Variants in NUP133 observed in about 807,000 individuals in gnomAD.
NUP133 encodes the protein nuclear pore complex protein Nup133.
In NUP133, 66 loss-of-function variants were observed where a neutral mutation model predicts 146.2. The observed-to-expected ratio is 0.45, with a 90% confidence interval of 0.37 to 0.55. The LOEUF (loss-of-function observed/expected upper bound fraction) is 0.55, where lower values mean the gene tolerates loss of function less well. Among genes scored for constraint, NUP133 ranks in the 20% least tolerant of loss-of-function variants. NUP133 has a pLI of 0.00. For missense variants in NUP133, 1,277 were observed against 1,374.8 expected (o/e 0.93, Z 1.12); for synonymous variants, 521 against 498.8 (o/e 1.04, Z -0.59).
Position 229,445,279 on chromosome 1 carries a change from C to T in NUP133, c.3246-277G>A, listed in dbSNP as rs1157855789. On this transcript the variant is annotated intron_variant, in intron 24 of 25. Transcript: ENST00000261396. ...ATGTTATACTCAAGGTAGCTACTGA[C>T]TCAATATAACTCTTACCTATTTGAT... Among the ~76,000 whole-genome samples, 5 of 152,162 alleles carry T rather than the reference C, an allele frequency of 3.3e-5. No individual in the cohort carries two copies. The East Asian group carries it at 9.6e-4, about 29-fold the overall frequency.
rs145791827 is a variant in NUP133 at position 229,459,147 on chromosome 1, T to C, written c.2845-851A>G. ...AATACCTATCACTGTGGTGAGAACA[T>C]TTCAAATTTGTTCTCTTGGAAATTC... On this transcript the variant is annotated intron_variant, in intron 20 of 25. Coordinates refer to ENST00000261396, the MANE Select transcript of NUP133 (RefSeq NM_018230.3). Among the ~76,000 whole-genome samples, 655 of 152,300 alleles carry C rather than the reference T, an allele frequency of 4.3e-3. 1 individual carries two copies. The highest frequency in any genetic ancestry group is 6.7e-3 in the Non-Finnish European group (458 of 68,028).
chr1:229,458,132 T>G lies in NUP133; in HGVS notation c.2980+29A>C, dbSNP rs575857635. 29 of 1,600,964 alleles carry G rather than the reference T, an allele frequency of 1.8e-5. No individual in the cohort carries two copies. The South Asian group carries it at 3.0e-4, about 17-fold the overall frequency. ...GAGTTAATTGATGGCATGACCAATTTGTAAATCCTTTTGCTCAAATTCTTT... is the reference window on the plus strand; with the variant it reads ...GAGTTAATTGATGGCATGACCAATTGGTAAATCCTTTTGCTCAAATTCTTT... On this transcript the variant is annotated intron_variant, in intron 21 of 25. Coordinates refer to ENST00000261396, the MANE Select transcript of NUP133 (RefSeq NM_018230.3).
At chr1:229,453,644 T>G (rs950041282) in intron 21 of NUP133, among the ~76,000 whole-genome samples, 1 of 152,242 alleles carries the variant, frequency 6.6e-6, no homozygotes, top group Non-Finnish European at 1.5e-5. Context: ...TGAATACTGT[T>G]AACACTTCAG....
At position 229,486,454 on chromosome 1, in the gene NUP133, T is replaced by C. The variant is rs779575128; in HGVS notation, c.1417A>G (p.Ile473Val). 9 of 1,611,130 alleles carry C rather than the reference T, an allele frequency of 5.6e-6. 1 individual carries two copies. The highest frequency in any genetic ancestry group is 5.1e-5 in the Admixed American group (3 of 59,378). Residue 473 changes from isoleucine to valine, a missense_variant, in exon 11 of 26, where the codon ATT becomes GTT. Coordinates refer to ENST00000261396, the MANE Select transcript of NUP133 (RefSeq NM_018230.3). Reference protein sequence around the residue: ...IFSRNSGLVSITSRENVSILA... With the variant: ...IFSRNSGLVSVTSRENVSILA... Reference sequence around the variant, plus strand: ...ATAGACACATTTTCCCTTGAAGTAATAGACACCAGTCCACTGTTTCTAGAA... The same window carrying C: ...ATAGACACATTTTCCCTTGAAGTAACAGACACCAGTCCACTGTTTCTAGAA...
At chr1:229,487,356 A>G (rs1661379436) in intron 10 of NUP133, 110 bp downstream of exon 10, 2 of 1,097,342 alleles carry the variant, frequency 1.8e-6, no homozygotes, top group Admixed American at 2.5e-5. Flanking sequence ...GAAATGTCTC[A>G]GAAACATTTG....
intron 15 of NUP133, among the ~76,000 whole-genome samples, chr1:229,467,800 C>G (rs1459102245): frequency 1.3e-5 from 2 of 151,750 alleles, no homozygotes; most frequent in African/African-American, 4.8e-5. Context: ...TGGCGTGCAC[C>G]TGGAGTCCCG....
At chr1:229,502,460 G>C (rs1253447478) in intron 2 of NUP133, among the ~76,000 whole-genome samples, 4 of 149,750 alleles carry the variant, frequency 2.7e-5, no homozygotes, top group Non-Finnish European at 5.9e-5. Context: ...TTGGGAGGCT[G>C]AGGCAAGAGA....
At chr1:229,492,749 T>G (rs1271454817) in intron 8 of NUP133, among the ~76,000 whole-genome samples, 1 of 152,048 alleles carries the variant, frequency 6.6e-6, no homozygotes, top group Non-Finnish European at 1.5e-5. Flanking sequence ...TAATGGATTT[T>G]GGGGACCTGA....
At chr1:229,465,336 A>G (rs1660787937) in intron 17 of NUP133, 84 bp downstream of exon 17, 1 of 1,069,658 alleles carries the variant, frequency 9.3e-7, no homozygotes, top group Non-Finnish European at 1.4e-6. Context: ...TTACAAACCT[A>G]CGCTAGGGGA....
chr1:229,452,739 G>T, intron 21 of NUP133, 96 bp from the exon 22 acceptor site: 3 of 799,278 alleles, frequency 3.8e-6, no homozygotes, highest in Non-Finnish European at 6.0e-6. Flanking sequence ...AATTTTAAAA[G>T]AAAAAAATAG....
chr1:229,456,413 C>A (rs1183928081), intron 21 of NUP133, among the ~76,000 whole-genome samples: 1 of 152,178 alleles, frequency 6.6e-6, no homozygotes, highest in Non-Finnish European at 1.5e-5. Context: ...TTGAAAATCA[C>A]TGTAGACTCA....
In NUP133 at chr1:229,508,075, T is replaced by G; in HGVS notation, c.175A>C (p.Ser59Arg). The G allele has an allele frequency of 6.7e-7, 1 of 1,496,136 alleles. No homozygotes were observed. The highest frequency in any genetic ancestry group is 8.9e-7 in the Non-Finnish European group (1 of 1,120,868). 92.7% of individuals were successfully genotyped at this position (1,496,136 alleles called of 1,614,324 possible). The stretch of plus-strand genomic sequence containing the variant: ...ACCAGGGAGATCACTTACCGCGAGC[T>G]TAGCGAGCTACGCCGGCCGACCGGC... Reference protein sequence around the residue: ...FSPVGRRSSLSSRGTPTRMFP... With the variant: ...FSPVGRRSSLRSRGTPTRMFP... The change falls in exon 1 of 26, where the codon AGC (serine) becomes CGC (arginine). Residue 59 changes from serine to arginine, a missense_variant. Physicochemically the swap from Ser to Arg is moderately radical, Grantham distance 110. Transcript: ENST00000261396.
intron 23 of NUP133, among the ~76,000 whole-genome samples, chr1:229,449,767 AG>A (rs1660399599): frequency 6.6e-6 from 1 of 150,644 alleles, no homozygotes; most frequent in Non-Finnish European, 1.5e-5. Flanking sequence ...GACAGGTAAT[AG>A]AACTACTTAT....
At chr1:229,454,252 G>A (rs1660515648) in intron 21 of NUP133, among the ~76,000 whole-genome samples, 3 of 152,132 alleles carry the variant, frequency 2.0e-5, no homozygotes, top group South Asian at 2.1e-4. Flanking sequence ...ACCTGACTCC[G>A]CCCCAGGGAA....
At chr1:229,456,278 A>G (rs1423847822) in intron 21 of NUP133, among the ~76,000 whole-genome samples, 1 of 152,146 alleles carries the variant, frequency 6.6e-6, no homozygotes, top group African/African-American at 2.4e-5. Flanking sequence ...CCTAAACTCA[A>G]TGGTCTCAGC....
At chr1:229,497,990 A>G in intron 6 of NUP133, 146 bp downstream of exon 6, 1 of 496,226 alleles carries the variant, frequency 2.0e-6, no homozygotes, top group Non-Finnish European at 3.4e-6. Context: ...ATTTCATCAT[A>G]ATAAAAATAG....
intron 17 of NUP133, among the ~76,000 whole-genome samples, chr1:229,465,092 A>G (rs1660781735): frequency 6.6e-6 from 1 of 152,198 alleles, no homozygotes; most frequent in Non-Finnish European, 1.5e-5. Context: ...TTCCTTCTAA[A>G]TTCCTTTAAT....
chr1:229,484,385 T>A (rs957981790), intron 11 of NUP133, among the ~76,000 whole-genome samples: 5 of 151,920 alleles, frequency 3.3e-5, no homozygotes, highest in African/African-American at 7.2e-5. Flanking sequence ...AAAAAAAAAA[T>A]TTATGTTTCA....
chr1:229,498,223 G>C lies in NUP133; in HGVS notation c.732C>G (p.Ile244Met), dbSNP rs145946684. Residue 244 changes from isoleucine (I) to methionine (M), a missense_variant, in exon 6 of 26, where the codon ATC becomes ATG. Physicochemically the swap from Ile to Met is conservative, Grantham distance 10. This residue lies in a region of NUP133 where 319 missense variants were observed against 306.9 expected (regional missense o/e 1.04). Coordinates refer to ENST00000261396, the MANE Select transcript of NUP133 (RefSeq NM_018230.3). ...PESSGKIHQH[I>M]LPQGQGMLSG... ...AAAGCATGCCTTGCCCCTGAGGCAG[G>C]ATATGCTGATGAATCTTTCCTGAGC... The C allele has an allele frequency of 3.5e-5, 56 of 1,612,978 alleles. No homozygotes were observed. The African/African-American group carries it at 7.3e-4, about 21-fold the overall frequency.
Sources: allele counts gnomAD v4.1 joint callset (sites outside exome capture counted in the v4.1 genomes callset), GRCh38; gene constraint gnomAD v4.1.1; regional missense constraint gnomAD v4.1.1; transcripts MANE v1.5; gene names NCBI Gene and HGNC (gene_info 2026-07-23, HGNC 2026-07-21).